The following LMX1B variants were observed in gnomAD, a reference collection of about 807,000 sequenced individuals.
The protein encoded by LMX1B is LIM homeobox transcription factor 1-beta.
In LMX1B, 12 loss-of-function variants were observed where a neutral mutation model predicts 51.4. The ratio of observed to expected loss-of-function variants is 0.23; its 90% CI spans 0.15 to 0.38. The LOEUF (loss-of-function observed/expected upper bound fraction) is 0.38, where lower values mean the gene tolerates loss of function less well. LMX1B is among the 10% of genes least tolerant of loss of function. The pLI is 1.00. For synonymous variants in LMX1B, 237 were observed against 235.4 expected (o/e 1.01, Z -0.06); for missense variants, 445 against 571.1 (o/e 0.78, Z 2.25).
At chr9:126,646,256 G>T (rs1436485537) in intron 2 of LMX1B, among the ~76,000 whole-genome samples, 1 of 152,212 alleles carries the variant, frequency 6.6e-6, no homozygotes, top group Non-Finnish European at 1.5e-5. Context: ...GCAGGAAGGT[G>T]TGCCTGATCC....
chr9:126,621,292 T>G (rs563964916), intron 2 of LMX1B, among the ~76,000 whole-genome samples: 1 of 152,224 alleles, frequency 6.6e-6, no homozygotes, highest in Non-Finnish European at 1.5e-5. Flanking sequence ...TGTCAGTCAG[T>G]TGGGGGTGCC....
chr9:126,685,176 C>G (rs1033787924), intron 2 of LMX1B, among the ~76,000 whole-genome samples: 7 of 152,058 alleles, frequency 4.6e-5, no homozygotes, highest in African/African-American at 1.5e-4. Flanking sequence ...ATTGGGTCTT[C>G]AAGGATGAAG....
intron 2 of LMX1B, among the ~76,000 whole-genome samples, chr9:126,643,815 CT>C (rs1365867023): frequency 6.6e-6 from 1 of 152,218 alleles, no homozygotes; most frequent in Admixed American, 6.5e-5. Flanking sequence ...CGAATCAATA[CT>C]GTATAACCTT....
intron 2 of LMX1B, among the ~76,000 whole-genome samples, chr9:126,678,322 C>T (rs2417028): frequency 5.0e-5 from 6 of 120,606 alleles, no homozygotes; most frequent in Admixed American, 3.1e-4. Context: ...AAAAAAAAAA[C>T]AAAAAACAAA....
chr9:126,643,997 G>C (rs966620278), intron 2 of LMX1B, among the ~76,000 whole-genome samples: 7 of 152,210 alleles, frequency 4.6e-5, no homozygotes, highest in Non-Finnish European at 7.3e-5. Context: ...CTAGAAACAG[G>C]TCTGGCCAGC....
chr9:126,660,058 G>GTGTGGGGGTGT (rs1476338897), intron 2 of LMX1B, among the ~76,000 whole-genome samples: 2 of 91,090 alleles, frequency 2.2e-5, no homozygotes, highest in Non-Finnish European at 2.6e-5. Context: ...AGGTTGTCCT[G>GTGTGGGGGTGT]CGTGGGGGTG....
chr9:126,686,080 C>A (rs1318885274), intron 2 of LMX1B, among the ~76,000 whole-genome samples: 2 of 152,030 alleles, frequency 1.3e-5, no homozygotes, highest in African/African-American at 4.8e-5. Flanking sequence ...TAAGTCGAGA[C>A]CATCCTGGCT....
chr9:126,648,202 A>G (rs1835937540), intron 2 of LMX1B, among the ~76,000 whole-genome samples: 1 of 152,254 alleles, frequency 6.6e-6, no homozygotes, highest in Non-Finnish European at 1.5e-5. Context: ...CAATATGGAA[A>G]TTGATCGTTG....
rs754973272 is a variant in LMX1B at position 126,641,361 on chromosome 9, C to T, written c.326+25792C>T. On this transcript the variant is annotated intron_variant, in intron 2 of 7. Transcript: ENST00000373474. This position sits in a 1 kb window ranked among gnomAD's most constrained non-coding sequence, Gnocchi z 4.1. ...ATCATCTCTCTGCATCCTCAGGAAG[C>T]ATAGGTACCATCAGTATCCTCATCT... The T allele has an allele frequency of 1.3e-5, 2 of 152,244 alleles. No homozygotes were observed. Among genetic ancestry groups the T allele is most frequent in the Non-Finnish European group, 2.9e-5 (2 of 68,056 alleles). The allele number at this position is 152,244 out of a possible 1,614,324, so 9.4% of individuals were successfully genotyped here. A position where few individuals can be genotyped will look rare whatever the true frequency, so the allele number is the denominator to read the frequency against.
chr9:126,676,150 C>T (rs1836557585), intron 2 of LMX1B, among the ~76,000 whole-genome samples: 1 of 152,218 alleles, frequency 6.6e-6, no homozygotes, highest in Admixed American at 6.5e-5. Flanking sequence ...GGCACCCGCC[C>T]TTCCCTCGCA....
chr9:126,640,217 T>A, intron 2 of LMX1B, among the ~76,000 whole-genome samples: 1 of 152,200 alleles, frequency 6.6e-6, no homozygotes, highest in East Asian at 1.9e-4. Context: ...CTCTGAGGAC[T>A]GGCCTAGGGA....
In LMX1B at chr9:126,690,974, A is replaced by T; in HGVS notation, c.465A>T (p.Glu155Asp). Residue 155 changes from glutamate to aspartate, a missense_variant, in exon 3 of 8, where the codon GAA (glutamate) becomes GAT (aspartate). Glu to Asp is a conservative substitution (Grantham distance 45). Transcript: ENST00000373474. ...VCERQLRKGD[E>D]FVLKEGQLLC... Reference sequence around the variant, plus strand: ...AACGGCAGCTACGCAAGGGCGACGAATTCGTGCTCAAGGAGGGCCAGCTGC... The same window carrying T: ...AACGGCAGCTACGCAAGGGCGACGATTTCGTGCTCAAGGAGGGCCAGCTGC... 1 of 1,614,108 alleles carries T rather than the reference A, an allele frequency of 6.2e-7. No individual in the cohort carries two copies. Among genetic ancestry groups the T allele is most frequent in the Non-Finnish European group, 8.5e-7 (1 of 1,179,984 alleles).
At chr9:126,668,563 C>G (rs768523599) in intron 2 of LMX1B, among the ~76,000 whole-genome samples, 2 of 152,066 alleles carry the variant, frequency 1.3e-5, no homozygotes, top group Non-Finnish European at 2.9e-5. Flanking sequence ...AAGCAATTCT[C>G]CTGCCTCAGC....
At chr9:126,692,022 G>A (rs943861232) in intron 3 of LMX1B, among the ~76,000 whole-genome samples, 3 of 152,230 alleles carry the variant, frequency 2.0e-5, no homozygotes, top group African/African-American at 7.2e-5. Context: ...GGGAAGGACT[G>A]GAGCAGGAGG....
chr9:126,617,752 C>G (rs1435412977), intron 2 of LMX1B, among the ~76,000 whole-genome samples: 6 of 152,080 alleles, frequency 3.9e-5, no homozygotes, highest in Admixed American at 6.6e-5. Flanking sequence ...ATCTCAGGTC[C>G]GAAGACCTCA....
In LMX1B at chr9:126,696,686, G is replaced by A. The variant is rs2030350621; in HGVS notation, c.*235G>A. On this transcript the variant is annotated 3_prime_UTR_variant, in exon 8 of 8. Transcript: ENST00000373474. ...CCCACAGAGACCTTGTCATCCCCAGGGACCCAGAGCTCTCGGACGGCCACT... is the reference window on the plus strand; with the variant it reads ...CCCACAGAGACCTTGTCATCCCCAGAGACCCAGAGCTCTCGGACGGCCACT... 2.1e-5 allele frequency: 12 copies of A among 575,324 alleles called. No homozygotes were observed. The highest frequency in any genetic ancestry group is 4.6e-4 in the Middle Eastern group (1 of 2,180). 35.6% of individuals were successfully genotyped at this position (575,324 alleles called of 1,614,324 possible). A position where few individuals can be genotyped will look rare whatever the true frequency, so the allele number is the denominator to read the frequency against.
At chr9:126,652,787 G>A (rs1408687534) in intron 2 of LMX1B, among the ~76,000 whole-genome samples, 1 of 152,232 alleles carries the variant, frequency 6.6e-6, no homozygotes, top group African/African-American at 2.4e-5. Flanking sequence ...GTGGGAACAA[G>A]GGGATGGGTC....
chr9:126,665,354 G>A (rs1031108824), intron 2 of LMX1B, among the ~76,000 whole-genome samples: 1 of 152,156 alleles, frequency 6.6e-6, no homozygotes, highest in Non-Finnish European at 1.5e-5. Flanking sequence ...GTGACATTCC[G>A]CAGCCCTGCT....
intron 2 of LMX1B, among the ~76,000 whole-genome samples, chr9:126,640,006 T>C (rs1021939137): frequency 6.6e-6 from 1 of 152,256 alleles, no homozygotes; most frequent in Non-Finnish European, 1.5e-5. Context: ...ATGGGAAATT[T>C]GATTTCTTTT....
Sources: allele counts gnomAD v4.1 joint callset (sites outside exome capture counted in the v4.1 genomes callset), GRCh38; gene constraint gnomAD v4.1.1; non-coding constraint Gnocchi (gnomAD v3.1); transcripts MANE v1.5; gene names NCBI Gene and HGNC (gene_info 2026-07-23, HGNC 2026-07-21).